SDHAF4: variants seen among roughly 807,000 people sequenced by gnomAD.
SDHAF4 encodes succinate dehydrogenase assembly factor 4, mitochondrial.
A neutral mutation model predicts 14.3 loss-of-function variants in SDHAF4; 14 were observed. The observed-to-expected ratio is 0.98, with a 90% CI of 0.65 to 1.53. The LOEUF (loss-of-function observed/expected upper bound fraction) is 1.53, where lower values mean the gene tolerates loss of function less well. Ranked by LOEUF, SDHAF4 falls within the 40% of genes most tolerant of loss-of-function variation. The pLI is 0.00. For missense variants in SDHAF4, 141 were observed against 129.3 expected, an observed-to-expected ratio of 1.09 and a Z score of -0.44; for synonymous variants, 63 against 47.3, an observed-to-expected ratio of 1.33 and a Z score of -1.36.
chr6:70,568,964 T>TC (rs1802142066), intron 1 of SDHAF4, among the ~76,000 whole-genome samples: 7 of 90,924 alleles, frequency 7.7e-5, no homozygotes, highest in Admixed American at 2.2e-4. Flanking sequence ...TCTTTTTTCT[T>TC]TTTTTTTTTT....
At chr6:70,568,503 G>C (rs112112346) in intron 1 of SDHAF4, among the ~76,000 whole-genome samples, 1 of 152,020 alleles carries the variant, frequency 6.6e-6, no homozygotes, top group Admixed American at 6.5e-5. Context: ...TTCAGATAAC[G>C]CTGTGTTTTG....
At position 70,588,842 on chromosome 6, in the gene SDHAF4, A is replaced by AATATATATATATATATATATAT. The variant is rs70990317; in HGVS notation, c.*132_*133insATATATATATATATATATATAT. The AATATATATATATATATATATAT allele has an allele frequency of 0.026, 8,764 of 341,574 alleles. 348 individuals carry two copies. The highest frequency in any genetic ancestry group is 0.041 in the African/African-American group (1,771 of 42,680). 21.2% of individuals were successfully genotyped at this position (341,574 alleles called of 1,614,324 possible). On this transcript the variant is annotated 3_prime_UTR_variant, in exon 3 of 3. Transcript: ENST00000370474. ...TCGTGTAGTTTGTATAATGTGTTTA[A>AATATATATATATATATATATAT]ATATATATATATATGATGGCTTTGG...
At chr6:70,578,703 C>T (rs904969976) in intron 1 of SDHAF4, among the ~76,000 whole-genome samples, 1 of 152,148 alleles carries the variant, frequency 6.6e-6, no homozygotes, top group Non-Finnish European at 1.5e-5. Context: ...AGGATTCTTA[C>T]AGTTTGAGGT....
In SDHAF4 at chr6:70,588,652, A is replaced by C. The variant is rs767309184; in HGVS notation, c.255A>C (p.Lys85Asn). Reference sequence around the variant, plus strand: ...ATGTTAATCCAGTGACCAAAGAAAAAGGTGGACCCAGGGGCCCAGAACCTA... The same window carrying C: ...ATGTTAATCCAGTGACCAAAGAAAACGGTGGACCCAGGGGCCCAGAACCTA... ...PDDVNPVTKE[K>N]GGPRGPEPTR... is the part of the protein sequence containing the mutation. The change falls in exon 3 of 3, where the codon AAA (lysine) becomes AAC (asparagine). Residue 85 changes from lysine to asparagine, a missense_variant. Coordinates refer to ENST00000370474, the MANE Select transcript of SDHAF4 (RefSeq NM_145267.3). The C allele has an allele frequency of 4.6e-5, 74 of 1,599,648 alleles. No homozygotes were observed. The highest frequency in any genetic ancestry group is 3.6e-4 in the South Asian group (32 of 89,102).
At position 70,567,080 on chromosome 6, in the gene SDHAF4, G is replaced by C. The variant is rs1304381223; in HGVS notation, c.64+76G>C. On this transcript the variant is annotated intron_variant, in intron 1 of 2. Transcript: ENST00000370474. Reference sequence around the variant, plus strand: ...AGGCGCAGAGAGAAGCGCCTCCCGCGGAGGAAGCCGCGTGTGTCCTGGCCG... The same window carrying C: ...AGGCGCAGAGAGAAGCGCCTCCCGCCGAGGAAGCCGCGTGTGTCCTGGCCG... 7.7e-5 allele frequency: 108 copies of C among 1,399,068 alleles called. No individual in the cohort carries two copies. The South Asian group carries it at 1.3e-3, about 17-fold the overall frequency. The allele number at this position is 1,399,068 out of a possible 1,614,324, so 86.7% of individuals were successfully genotyped here.
intron 2 of SDHAF4, among the ~76,000 whole-genome samples, chr6:70,586,175 G>A (rs1157417653): frequency 6.6e-6 from 1 of 152,108 alleles, no homozygotes; most frequent in Admixed American, 6.5e-5. Flanking sequence ...TTGCCTTTTG[G>A]TCTGTGTCTC....
chr6:70,588,716 G>A lies in SDHAF4; in HGVS notation c.319G>A (p.Asp107Asn), dbSNP rs749559034. 1 of 1,593,168 alleles carries A rather than the reference G, an allele frequency of 6.3e-7. No individual in the cohort carries two copies. The highest frequency in any genetic ancestry group is 1.1e-5 in the South Asian group (1 of 88,908). The part of the protein sequence containing the change: ...GDWERKGRCI[D>N]F Reference sequence around the variant, plus strand: ...TTGGGAACGAAAAGGACGCTGTATTGATTTTTAAGTCGCATATTCTTTAAC... The same window carrying A: ...TTGGGAACGAAAAGGACGCTGTATTAATTTTTAAGTCGCATATTCTTTAAC... The change falls in exon 3 of 3, where the codon GAT becomes AAT. Residue 107 changes from aspartate (D) to asparagine (N), a missense_variant. By Grantham distance (23) the Asp-to-Asn change is conservative. Transcript: ENST00000370474.
downstream of SDHAF4, among the ~76,000 whole-genome samples, chr6:70,593,454 C>T (rs1004702593): frequency 2.0e-5 from 3 of 152,184 alleles, no homozygotes; most frequent in Non-Finnish European, 2.9e-5. Flanking sequence ...ACTCTGGAGC[C>T]GCAGGGGCAG....
At chr6:70,591,378 C>G (rs183509359), downstream of SDHAF4, among the ~76,000 whole-genome samples, 67 of 121,714 alleles carry the variant, frequency 5.5e-4, 1 homozygote, top group East Asian at 0.016. Flanking sequence ...TGTCCCCAGG[C>G]TGGACTACAG....
At chr6:70,570,601 C>G (rs1274009654) in intron 1 of SDHAF4, among the ~76,000 whole-genome samples, 1 of 151,292 alleles carries the variant, frequency 6.6e-6, no homozygotes, top group African/African-American at 2.4e-5. Flanking sequence ...TGCCCCCCAC[C>G]ACCCTCCCTG....
At chr6:70,574,187 G>A (rs1267095463) in intron 1 of SDHAF4, among the ~76,000 whole-genome samples, 1 of 152,030 alleles carries the variant, frequency 6.6e-6, no homozygotes, top group Non-Finnish European at 1.5e-5. Flanking sequence ...TGGGCATGGT[G>A]GCACATGCCT....
chr6:70,571,012 T>A (rs188146031), intron 1 of SDHAF4, among the ~76,000 whole-genome samples: 82 of 151,812 alleles, frequency 5.4e-4, no homozygotes, highest in African/African-American at 2.0e-3. Flanking sequence ...TCATGGAACA[T>A]GAAAAAAAAA....
downstream of SDHAF4, among the ~76,000 whole-genome samples, chr6:70,591,334 A>ATT (rs76350573): frequency 0.01 from 1,018 of 101,164 alleles, 124 homozygotes; most frequent in African/African-American, 0.032. Flanking sequence ...GAGAGGAAAG[A>ATT]TTTTTTTTTT....
chr6:70,575,724 T>TGAGAGA (rs1356238981), intron 1 of SDHAF4, among the ~76,000 whole-genome samples: 4 of 129,150 alleles, frequency 3.1e-5, no homozygotes, highest in African/African-American at 1.4e-4. Context: ...TGTGTGTGTG[T>TGAGAGA]GTGAGAGAGA....
At position 70,572,058 on chromosome 6, in the gene SDHAF4, C is replaced by CTTTTTTTTT. The variant is rs66688860; in HGVS notation, c.64+5074_64+5082dup. On this transcript the variant is annotated intron_variant, in intron 1 of 2. Coordinates refer to ENST00000370474, the MANE Select transcript of SDHAF4 (RefSeq NM_145267.3). Reference sequence around the variant, plus strand: ...TACAACACTTTCAGTCTTTTTTTGTCTTTTTTTTTTTTTTTTTTTTTTTTT... The same window carrying CTTTTTTTTT: ...TACAACACTTTCAGTCTTTTTTTGTCTTTTTTTTTTTTTTTTTTTTTTTTTTTTTTTTTT... Among the ~76,000 whole-genome samples, 102 of 53,534 alleles carry CTTTTTTTTT rather than the reference C, an allele frequency of 1.9e-3. 2 individuals are homozygous for CTTTTTTTTT. The highest frequency in any genetic ancestry group is 2.4e-3 in the East Asian group (4 of 1,648). 35.1% of individuals were successfully genotyped at this position (53,534 alleles called of 152,430 possible).
intron 2 of SDHAF4, among the ~76,000 whole-genome samples, chr6:70,581,668 T>G (rs1802324838): frequency 6.6e-6 from 1 of 151,958 alleles, no homozygotes; most frequent in Non-Finnish European, 1.5e-5. Flanking sequence ...TGCAGTGGCA[T>G]GAACACATGG....
chr6:70,584,345 G>C (rs1765174162), intron 2 of SDHAF4, among the ~76,000 whole-genome samples: 2 of 152,198 alleles, frequency 1.3e-5, no homozygotes, highest in Non-Finnish European at 2.9e-5. Context: ...TACAGCCATG[G>C]AAACCACACA....
intron 1 of SDHAF4, among the ~76,000 whole-genome samples, chr6:70,569,204 TC>T (rs1354460200): frequency 6.6e-6 from 1 of 151,944 alleles, no homozygotes; most frequent in Non-Finnish European, 1.5e-5. Context: ...GACCTCGTGA[TC>T]CGCCCGTCTC....
downstream of SDHAF4, among the ~76,000 whole-genome samples, chr6:70,593,659 AAG>A (rs1183825330): frequency 6.6e-6 from 1 of 151,984 alleles, no homozygotes; most frequent in Non-Finnish European, 1.5e-5. Context: ...ATGGAGTCAA[AAG>A]AGATTATTTT....
Sources: gnomAD v4.1 joint callset for allele counts (sites outside exome capture counted in the v4.1 genomes callset) on GRCh38, gnomAD v4.1.1 for gene constraint, MANE v1.5 for transcripts, NCBI Gene and HGNC (gene_info 2026-07-23, HGNC 2026-07-21) for gene names.